Variants in UNC5B observed in about 807,000 individuals in gnomAD.
UNC5B encodes unc-5 netrin receptor B.
In UNC5B, 56 loss-of-function variants were observed where a neutral mutation model predicts 103.7. That is an observed-to-expected ratio of 0.54 (90% CI 0.44 to 0.67). The LOEUF (loss-of-function observed/expected upper bound fraction) is 0.67, where lower values mean the gene tolerates loss of function less well. Ranked by LOEUF, UNC5B falls within the 30% of genes least tolerant of loss-of-function variation. UNC5B has a pLI of 0.00. For synonymous variants in UNC5B, 577 were observed against 542.0 expected, an observed-to-expected ratio of 1.06 and a Z score of -0.90; for missense variants, 1,194 against 1,284.5, an observed-to-expected ratio of 0.93 and a Z score of 1.08.
chr10:71,227,649 T>C (rs541472435), intron 1 of UNC5B, among the ~76,000 whole-genome samples: 4,973 of 133,578 alleles, frequency 0.037, 137 homozygotes, highest in East Asian at 0.11. Flanking sequence ...CACATATACA[T>C]ATATATACAT....
In UNC5B at chr10:71,227,707, TACACACACACACAC is replaced by T. The variant is rs57747777; in HGVS notation, c.79+14669_79+14682del. Among the ~76,000 whole-genome samples the T allele has an allele frequency of 7.8e-5, 10 of 128,076 alleles. No individual in the cohort carries two copies. The South Asian group carries it at 1.2e-3, about 16-fold the overall frequency. The allele number at this position is 128,076 out of a possible 152,430, so 84.0% of individuals were successfully genotyped here. On this transcript the variant is annotated intron_variant, in intron 1 of 16. Transcript: ENST00000335350. ...ATATACACATATATATACACACATA[TACACACACACACAC>T]ACACACACACACACACACACACACA... is the stretch of plus-strand genomic sequence containing the variant.
At chr10:71,288,815 G>T in intron 7 of UNC5B, 83 bp downstream of exon 7, 1 of 1,546,120 alleles carries the variant, frequency 6.5e-7, no homozygotes, top group East Asian at 2.3e-5. Flanking sequence ...CCATGCCTCA[G>T]TGCCCAGCCT....
intron 13 of UNC5B, 42 bp downstream of exon 13, chr10:71,293,975 G>A: frequency 6.6e-7 from 1 of 1,512,796 alleles, no homozygotes; most frequent in Non-Finnish European, 8.9e-7. Context: ...TGGCCGGCCA[G>A]CTGCATGATC....
chr10:71,273,953 C>A (rs550246371), intron 1 of UNC5B, among the ~76,000 whole-genome samples: 1 of 152,302 alleles, frequency 6.6e-6, no homozygotes, highest in East Asian at 1.9e-4. Context: ...GTGAGAGGTG[C>A]AAAACTGTGT....
chr10:71,234,001 T>C (rs1371064421), intron 1 of UNC5B, among the ~76,000 whole-genome samples: 2 of 152,204 alleles, frequency 1.3e-5, no homozygotes, highest in South Asian at 2.1e-4. Flanking sequence ...GCCTGATGAG[T>C]GTGCAAGTAC....
chr10:71,291,149 G>A, intron 9 of UNC5B, 40 bp downstream of exon 9: 3 of 1,590,150 alleles, frequency 1.9e-6, no homozygotes, highest in South Asian at 2.3e-5. Context: ...GGCAGAGGCA[G>A]GATACCCAGA....
At chr10:71,215,282 C>T (rs897897940) in intron 1 of UNC5B, among the ~76,000 whole-genome samples, 4 of 152,174 alleles carry the variant, frequency 2.6e-5, no homozygotes, top group African/African-American at 4.8e-5. Context: ...GTGAAGGGCT[C>T]CTGTCCAATA....
At chr10:71,297,664 A>G (rs1271900901) in intron 15 of UNC5B, among the ~76,000 whole-genome samples, 1 of 152,250 alleles carries the variant, frequency 6.6e-6, no homozygotes, top group Non-Finnish European at 1.5e-5. Flanking sequence ...ATGAGGCTGC[A>G]TCTGCATTTG....
chr10:71,273,174 C>A (rs1356807578), intron 1 of UNC5B, among the ~76,000 whole-genome samples: 3 of 152,264 alleles, frequency 2.0e-5, no homozygotes, highest in African/African-American at 7.2e-5. Flanking sequence ...TAGGCGTGAG[C>A]CGCCGCGCCC....
chr10:71,227,603 C>T (rs200163528), intron 1 of UNC5B, among the ~76,000 whole-genome samples: 5,298 of 118,924 alleles, frequency 0.045, 160 homozygotes, highest in East Asian at 0.085. Flanking sequence ...TGTATACATA[C>T]ATATATACAT....
chr10:71,285,007 T>C, intron 3 of UNC5B, 144 bp downstream of exon 3: 2 of 1,266,440 alleles, frequency 1.6e-6, no homozygotes, highest in Non-Finnish European at 2.1e-6. Flanking sequence ...AGCACATGGA[T>C]GCCAGCTCAG....
chr10:71,269,478 T>A (rs959065640), intron 1 of UNC5B, among the ~76,000 whole-genome samples: 8 of 151,764 alleles, frequency 5.3e-5, no homozygotes, highest in African/African-American at 1.9e-4. Context: ...AGTGATTAGA[T>A]GGTCTGTGAA....
chr10:71,213,531 G>C lies in UNC5B; in HGVS notation c.79+467G>C, dbSNP rs950412769. Among the ~76,000 whole-genome samples, 1 of 152,172 alleles carries C rather than the reference G, an allele frequency of 6.6e-6. No individual in the cohort carries two copies. Among genetic ancestry groups the C allele is most frequent in the Non-Finnish European group, 1.5e-5 (1 of 68,038 alleles). On this transcript the variant is annotated intron_variant, in intron 1 of 16. Transcript: ENST00000335350. This position sits in a 1 kb window ranked among gnomAD's most constrained non-coding sequence, Gnocchi z 4.1. ...TATAGGGACAGCAATCTGCAGACTA[G>C]AGGGAGAGAGCGAAAAGACCTGCTG... is the stretch of plus-strand genomic sequence containing the variant.
At chr10:71,250,704 G>A (rs1844153316) in intron 1 of UNC5B, among the ~76,000 whole-genome samples, 1 of 152,190 alleles carries the variant, frequency 6.6e-6, no homozygotes, top group Non-Finnish European at 1.5e-5. Context: ...ACAGATCCAG[G>A]GCTAAATTCT....
At position 71,213,429 on chromosome 10, in the gene UNC5B, A is replaced by G. The variant is rs918503662; in HGVS notation, c.79+365A>G. 3.3e-5 allele frequency among the ~76,000 whole-genome samples: 5 copies of G among 152,190 alleles called. No individual in the cohort carries two copies. In the East Asian group the frequency reaches 7.7e-4, roughly 24 times the overall value. On this transcript the variant is annotated intron_variant, in intron 1 of 16. Transcript: ENST00000335350. This position sits in a 1 kb window ranked among gnomAD's most constrained non-coding sequence, Gnocchi z 4.1. ...CGCCCCGAAAAAGAACATTGGCTACATAAGCAAGGTGTGCGCTCGCTGCCG... is the reference window on the plus strand; with the variant it reads ...CGCCCCGAAAAAGAACATTGGCTACGTAAGCAAGGTGTGCGCTCGCTGCCG...
chr10:71,286,655 G>C (rs763816714), intron 4 of UNC5B, 34 bp from the exon 5 acceptor site: 1 of 1,611,866 alleles, frequency 6.2e-7, no homozygotes, highest in East Asian at 2.2e-5. Flanking sequence ...ACCTGTCCTG[G>C]GCCCTCACTG....
chr10:71,276,497 G>A (rs957593630), intron 1 of UNC5B, among the ~76,000 whole-genome samples: 14 of 152,190 alleles, frequency 9.2e-5, no homozygotes, highest in Admixed American at 2.0e-4. Flanking sequence ...GCAGTGGTGC[G>A]ATCTCCACTC....
At chr10:71,283,090 A>AGATTGC (rs1844972653) in intron 2 of UNC5B, among the ~76,000 whole-genome samples, 2 of 151,992 alleles carry the variant, frequency 1.3e-5, no homozygotes, top group Admixed American at 6.5e-5. Context: ...GCTGCACTCC[A>AGATTGC]GCCTGGGCAA....
At chr10:71,259,663 G>A (rs1180564335) in intron 1 of UNC5B, among the ~76,000 whole-genome samples, 1 of 152,152 alleles carries the variant, frequency 6.6e-6, no homozygotes, top group Non-Finnish European at 1.5e-5. Flanking sequence ...ACATGACTCT[G>A]TTTACCATAA....
Sources: gnomAD v4.1 joint callset for allele counts (sites outside exome capture counted in the v4.1 genomes callset) on GRCh38, gnomAD v4.1.1 for gene constraint, Gnocchi (gnomAD v3.1) non-coding constraint, MANE v1.5 for transcripts, NCBI Gene and HGNC (gene_info 2026-07-23, HGNC 2026-07-21) for gene names.